SIPA1L3: variants seen among roughly 807,000 people sequenced by gnomAD.
The protein encoded by SIPA1L3 is signal induced proliferation associated 1 like 3.
A neutral mutation model predicts 150.1 loss-of-function variants in SIPA1L3; 59 were observed. The observed-to-expected ratio is 0.39, with a 90% CI of 0.32 to 0.49. The LOEUF (loss-of-function observed/expected upper bound fraction) is 0.49, where lower values mean the gene tolerates loss of function less well. Ranked by LOEUF, SIPA1L3 falls within the 20% of genes least tolerant of loss-of-function variation. SIPA1L3 has a pLI of 0.86. For synonymous variants in SIPA1L3, 1,070 were observed against 1,077.6 expected, an observed-to-expected ratio of 0.99 and a Z score of 0.14; for missense variants, 2,211 against 2,489.5, an observed-to-expected ratio of 0.89 and a Z score of 2.38.
At chr19:37,977,409 G>A (rs1305973954) in intron 1 of SIPA1L3, among the ~76,000 whole-genome samples, 1 of 152,128 alleles carries the variant, frequency 6.6e-6, no homozygotes, top group East Asian at 1.9e-4. Flanking sequence ...AGGTGATCCT[G>A]AGGTCCTGCC....
rs1487110458 is a variant in SIPA1L3 at position 38,119,589 on chromosome 19, G to T, written c.2575G>T (p.Ala859Ser). ...LTSKKKEKTK[A>S]RAGAEQHSAG... ...CTCCAAGAAGAAGGAAAAGACAAAA[G>T]CACGGGCTGGCGCTGAGCAGCACAG... The change falls in exon 9 of 22, where the codon GCA becomes TCA. Residue 859 changes from alanine to serine, a missense_variant. Transcript: ENST00000222345. The T allele has an allele frequency of 6.2e-7, 1 of 1,614,110 alleles. No homozygotes were observed. Among genetic ancestry groups the T allele is most frequent in the South Asian group, 1.1e-5 (1 of 91,090 alleles).
At chr19:37,986,386 T>C (rs1967351444) in intron 1 of SIPA1L3, among the ~76,000 whole-genome samples, 1 of 152,234 alleles carries the variant, frequency 6.6e-6, no homozygotes, top group Admixed American at 6.5e-5. Context: ...TAGTTTCTTG[T>C]CAACAGTTAA....
At position 38,046,351 on chromosome 19, in the gene SIPA1L3, A is replaced by G. The variant is rs1361986449; in HGVS notation, c.-311+17195A>G. ...TCCTCTCAGGCCCAGCGCTGCCAGC[A>G]GCCTGTCCCCCCTCCTCATTTCCCT... On this transcript the variant is annotated intron_variant, in intron 2 of 21. Coordinates refer to ENST00000222345, the MANE Select transcript of SIPA1L3 (RefSeq NM_015073.3). The surrounding 1 kb of genome is among the most constrained non-coding windows in gnomAD (Gnocchi z 5.6). Among the ~76,000 whole-genome samples the G allele has an allele frequency of 6.6e-6, 1 of 152,176 alleles. No individual in the cohort carries two copies. The highest frequency in any genetic ancestry group is 1.9e-4 in the East Asian group (1 of 5,182).
chr19:37,950,202 A>T (rs542831443), intron 1 of SIPA1L3, among the ~76,000 whole-genome samples: 3 of 152,250 alleles, frequency 2.0e-5, no homozygotes, highest in South Asian at 4.1e-4. Flanking sequence ...CTCACCTGTA[A>T]AATGAGGATG....
chr19:37,941,071 T>TACACACACACACACACACAC (rs869026715), intron 1 of SIPA1L3, among the ~76,000 whole-genome samples: 11 of 133,082 alleles, frequency 8.3e-5, no homozygotes, highest in African/African-American at 2.2e-4. Flanking sequence ...GTTTGAGATG[T>TACACACACACACACACACAC]ACACACACAC....
At chr19:37,952,446 G>T (rs1294196402) in intron 1 of SIPA1L3, among the ~76,000 whole-genome samples, 5 of 152,172 alleles carry the variant, frequency 3.3e-5, no homozygotes, top group Non-Finnish European at 2.9e-5. Context: ...GCCGAGGTGG[G>T]TAGATCACTT....
At chr19:38,136,796 A>T (rs1356948666) in intron 10 of SIPA1L3, among the ~76,000 whole-genome samples, 1 of 152,116 alleles carries the variant, frequency 6.6e-6, no homozygotes, top group Non-Finnish European at 1.5e-5. Flanking sequence ...GATGATGATC[A>T]TTTTCAGATC....
chr19:38,200,606 C>T (rs1043529300), intron 19 of SIPA1L3: 8 of 152,082 alleles, frequency 5.3e-5, no homozygotes, highest in Admixed American at 2.0e-4. Flanking sequence ...TTCAGAGAAT[C>T]GGAGAACATT....
chr19:37,937,741 CAAAAAAAA>C (rs34881450), intron 1 of SIPA1L3, among the ~76,000 whole-genome samples: 5 of 18,676 alleles, frequency 2.7e-4, no homozygotes, highest in East Asian at 1.7e-3. Flanking sequence ...AACCCTGTCT[CAAAAAAAA>C]AAAAAAAAAA....
rs745805453 is a variant in SIPA1L3 at position 38,182,583 on chromosome 19, C to T, written c.4273C>T (p.Arg1425Trp). The change falls in exon 16 of 22, where the codon CGG becomes TGG. Residue 1425 changes from arginine to tryptophan, a missense_variant. Arg to Trp is a moderately radical substitution (Grantham distance 101). Coordinates refer to ENST00000222345, the MANE Select transcript of SIPA1L3 (RefSeq NM_015073.3). ...VYKTASAETP[R>W]PSQLAQPSPF... ...CAAAACTGCCAGTGCAGAGACTCCT[C>T]GGCCCTCCCAGCTGGCCCAGCCCAG... is the stretch of plus-strand genomic sequence containing the variant. 31 of 1,614,046 alleles carry T rather than the reference C, an allele frequency of 1.9e-5. No homozygotes were observed. The highest frequency in any genetic ancestry group is 4.5e-5 in the East Asian group (2 of 44,900).
At chr19:38,133,716 C>T (rs1051537942) in intron 10 of SIPA1L3, among the ~76,000 whole-genome samples, 7 of 152,150 alleles carry the variant, frequency 4.6e-5, no homozygotes, top group Non-Finnish European at 1.0e-4. Flanking sequence ...CCCCTTGTTA[C>T]CTTTGACCCT....
intron 8 of SIPA1L3, among the ~76,000 whole-genome samples, chr19:38,118,120 C>T (rs547556966): frequency 6.6e-6 from 1 of 152,288 alleles, no homozygotes; most frequent in East Asian, 1.9e-4. Flanking sequence ...AGATGACTTA[C>T]AAGGTATACT....
At chr19:37,994,324 C>T (rs778967667) in intron 1 of SIPA1L3, among the ~76,000 whole-genome samples, 26 of 152,114 alleles carry the variant, frequency 1.7e-4, no homozygotes, top group Admixed American at 6.5e-4. Context: ...TGAAGTAAGC[C>T]GTAGCTCAGG....
At chr19:37,910,556 G>A (rs958830502) in intron 1 of SIPA1L3, among the ~76,000 whole-genome samples, 5 of 151,820 alleles carry the variant, frequency 3.3e-5, no homozygotes, top group Non-Finnish European at 5.9e-5. Context: ...AAGAATGAGA[G>A]GCTGTTGTAC....
At chr19:37,931,225 C>T (rs1050878338) in intron 1 of SIPA1L3, among the ~76,000 whole-genome samples, 4 of 152,160 alleles carry the variant, frequency 2.6e-5, no homozygotes, top group Non-Finnish European at 5.9e-5. Flanking sequence ...ATAAAGATCT[C>T]ACTTGGCCAG....
chr19:38,097,534 T>G (rs1352688951), intron 4 of SIPA1L3, among the ~76,000 whole-genome samples: 1 of 152,194 alleles, frequency 6.6e-6, no homozygotes, highest in African/African-American at 2.4e-5. Context: ...TTTCTGATAC[T>G]TTCTTTGGCC....
chr19:38,081,091 T>C (rs1969967230), intron 2 of SIPA1L3, among the ~76,000 whole-genome samples, 165 bp from the exon 3 acceptor site: 1 of 152,224 alleles, frequency 6.6e-6, no homozygotes, highest in African/African-American at 2.4e-5. Flanking sequence ...TTGTTGGAGC[T>C]GATGGGTGAC....
At chr19:38,128,245 T>TC (rs1971224704) in intron 9 of SIPA1L3, among the ~76,000 whole-genome samples, 2 of 151,936 alleles carry the variant, frequency 1.3e-5, no homozygotes, top group South Asian at 4.2e-4. Flanking sequence ...CTGATCCCCT[T>TC]CATGAGGGTT....
intron 20 of SIPA1L3, 134 bp from the exon 21 acceptor site, chr19:38,203,993 C>T: frequency 1.5e-6 from 1 of 677,332 alleles, no homozygotes; most frequent in South Asian, 1.9e-5. Flanking sequence ...TGCTTCCCCT[C>T]AGAGCTTCTC....
Sources: gnomAD v4.1 joint callset for allele counts (sites outside exome capture counted in the v4.1 genomes callset) on GRCh38, gnomAD v4.1.1 for gene constraint, Gnocchi (gnomAD v3.1) non-coding constraint, MANE v1.5 for transcripts, NCBI Gene and HGNC (gene_info 2026-07-23, HGNC 2026-07-21) for gene names.